Variants in LEKR1 observed in about 807,000 individuals in gnomAD.
The protein encoded by LEKR1 is leucine, glutamate and lysine rich 1, also known as protein LEKR1.
A neutral mutation model predicts 72.4 loss-of-function variants in LEKR1; 59 were observed. That is an observed-to-expected ratio of 0.82 (90% CI 0.66 to 1.01). The LOEUF (loss-of-function observed/expected upper bound fraction) is 1.01, where lower values mean the gene tolerates loss of function less well. LEKR1 is among the 50% of genes least tolerant of loss of function. The probability of loss-of-function intolerance (pLI) is 0.00; values close to 1 mark genes in which losing one functional copy is unlikely to be tolerated. For synonymous variants in LEKR1, 257 were observed against 263.2 expected (o/e 0.98, Z 0.23); for missense variants, 728 against 759.2 (o/e 0.96, Z 0.48).
chr3:157,002,158 C>T (rs1024727946), intron 9 of LEKR1, among the ~76,000 whole-genome samples: 2 of 152,086 alleles, frequency 1.3e-5, no homozygotes, highest in African/African-American at 2.4e-5. Flanking sequence ...AATTCTAAAA[C>T]ATCAACATCT....
At chr3:156,879,110 T>C (rs994669351) in intron 3 of LEKR1, among the ~76,000 whole-genome samples, 5 of 152,146 alleles carry the variant, frequency 3.3e-5, no homozygotes, top group Admixed American at 2.6e-4. Flanking sequence ...ACTTTGGAAC[T>C]GGGTAACAGG....
At chr3:157,015,327 G>C (rs1733223686) in intron 10 of LEKR1, among the ~76,000 whole-genome samples, 1 of 152,174 alleles carries the variant, frequency 6.6e-6, no homozygotes, top group Non-Finnish European at 1.5e-5. Flanking sequence ...ATGTGTACAT[G>C]TGGGAAAATG....
chr3:156,880,932 C>T (rs1279020879), intron 3 of LEKR1, among the ~76,000 whole-genome samples: 2 of 152,164 alleles, frequency 1.3e-5, no homozygotes, highest in Admixed American at 6.5e-5. Flanking sequence ...CAGAAAAGGC[C>T]TTCGACAAAA....
chr3:156,987,169 T>C (rs144905032), intron 7 of LEKR1, among the ~76,000 whole-genome samples: 13 of 152,212 alleles, frequency 8.5e-5, no homozygotes, highest in Non-Finnish European at 1.6e-4. Flanking sequence ...TTGCTAAGAG[T>C]AAAAGAAGGA....
At position 157,045,581 on chromosome 3, in the gene LEKR1, G is replaced by C. The variant is rs151042112; in HGVS notation, c.1910G>C (p.Arg637Pro). The change falls in exon 13 of 13, where the codon CGC (arginine) becomes CCC (proline). Residue 637 changes from arginine to proline, a missense_variant. Physicochemically the swap from Arg to Pro is moderately radical, Grantham distance 103. Coordinates refer to ENST00000356539, the MANE Select transcript of LEKR1 (RefSeq NM_001004316.3). ...SEKGIQIPNL[R>P]GVSKPTTFPT... ...AAAGGAATCCAAATTCCCAACCTGCGCGGGGTGTCAAAACCCACCACTTTC... is the reference window on the plus strand; with the variant it reads ...AAAGGAATCCAAATTCCCAACCTGCCCGGGGTGTCAAAACCCACCACTTTC... 1.7e-5 allele frequency: 27 copies of C among 1,613,980 alleles called. No individual in the cohort carries two copies. Among genetic ancestry groups the C allele is most frequent in the Non-Finnish European group, 2.3e-5 (27 of 1,180,040 alleles).
chr3:156,953,911 A>G, intron 6 of LEKR1, among the ~76,000 whole-genome samples: 1 of 151,910 alleles, frequency 6.6e-6, no homozygotes, highest in East Asian at 1.9e-4. Context: ...GTCAAATCGT[A>G]TTTTGGCCTC....
chr3:157,010,125 C>A (rs979674118), intron 9 of LEKR1, among the ~76,000 whole-genome samples: 1 of 151,854 alleles, frequency 6.6e-6, no homozygotes, highest in African/African-American at 2.4e-5. Context: ...AATTAGTCTA[C>A]CTTGAGGTTT....
At chr3:157,036,941 A>G (rs568035426) in intron 12 of LEKR1, among the ~76,000 whole-genome samples, 1 of 152,328 alleles carries the variant, frequency 6.6e-6, no homozygotes, top group Non-Finnish European at 1.5e-5. Context: ...ATAACTCTGG[A>G]TGGAAGCTAT....
chr3:156,977,252 CT>C (rs1391791341), intron 6 of LEKR1, among the ~76,000 whole-genome samples: 2 of 152,186 alleles, frequency 1.3e-5, no homozygotes, highest in African/African-American at 4.8e-5. Context: ...GGTCTGTCCC[CT>C]TTATGTAAAT....
At chr3:157,020,212 A>G (rs966734238) in intron 10 of LEKR1, among the ~76,000 whole-genome samples, 1 of 151,122 alleles carries the variant, frequency 6.6e-6, no homozygotes, top group Non-Finnish European at 1.5e-5. Context: ...TCTTCCCTGA[A>G]TATTTTATTT....
intron 10 of LEKR1, among the ~76,000 whole-genome samples, chr3:157,023,265 G>T (rs1268300928): frequency 6.6e-6 from 1 of 152,040 alleles, no homozygotes; most frequent in African/African-American, 2.4e-5. Context: ...TCCTTTTCCA[G>T]TCTCTCTAGA....
chr3:156,853,005 A>G (rs1715581666), intron 3 of LEKR1, 23 bp downstream of exon 3: 2 of 1,464,110 alleles, frequency 1.4e-6, no homozygotes, highest in Non-Finnish European at 1.8e-6. Context: ...TTTCTTTTCT[A>G]TCATTTATTT....
intron 10 of LEKR1, among the ~76,000 whole-genome samples, chr3:157,019,547 T>C (rs1352669583): frequency 6.6e-6 from 1 of 152,232 alleles, no homozygotes; most frequent in African/African-American, 2.4e-5. Flanking sequence ...TTACTTTGTG[T>C]AATTCTTAAG....
chr3:157,028,142 C>G lies in LEKR1; in HGVS notation c.1408C>G (p.Gln470Glu), dbSNP rs1280018784. The part of the protein sequence containing the change: ...LITGATRDLR[Q>E]EVTTLKEKLH... ...CACAGGCGCTACAAGAGATCTAAGG[C>G]AGGAAGTGACCACTCTTAAAGAAAA... The change falls in exon 12 of 13, where the codon CAG becomes GAG. Residue 470 changes from glutamine (Q) to glutamate (E), a missense_variant. Gln to Glu is a conservative substitution (Grantham distance 29). Coordinates refer to ENST00000356539, the MANE Select transcript of LEKR1 (RefSeq NM_001004316.3). 1 of 1,606,196 alleles carries G rather than the reference C, an allele frequency of 6.2e-7. No individual in the cohort carries two copies. The highest frequency in any genetic ancestry group is 2.2e-5 in the East Asian group (1 of 44,772).
chr3:156,927,421 C>A lies in LEKR1; in HGVS notation c.384-8C>A. ...TTTAAAATCCTATTTTTTTTTTTTA[C>A]TTTGCAGTCAAAGATTGTCAGAGTA... On this transcript the variant is annotated splice_polypyrimidine_tract_variant and splice_region_variant and intron_variant, in intron 4 of 12. Coordinates refer to ENST00000356539, the MANE Select transcript of LEKR1 (RefSeq NM_001004316.3). 7.4e-6 allele frequency: 7 copies of A among 950,210 alleles called. No individual in the cohort carries two copies. The highest frequency in any genetic ancestry group is 7.9e-6 in the Non-Finnish European group (6 of 763,770). 58.9% of individuals were successfully genotyped at this position (950,210 alleles called of 1,614,324 possible). A position where few individuals can be genotyped will look rare whatever the true frequency, so the allele number is the denominator to read the frequency against.
At chr3:156,873,254 TC>T (rs1282635632) in intron 3 of LEKR1, among the ~76,000 whole-genome samples, 2 of 152,204 alleles carry the variant, frequency 1.3e-5, no homozygotes, top group Admixed American at 1.3e-4. Flanking sequence ...ACTTTTGGTT[TC>T]CCTTTGCATG....
intron 7 of LEKR1, among the ~76,000 whole-genome samples, chr3:156,990,859 G>A (rs1182835101): frequency 6.6e-6 from 1 of 152,160 alleles, no homozygotes. Context: ...TCTATGAGTA[G>A]TCCTGGTTCC....
At chr3:156,934,425 C>T (rs1367294402) in intron 5 of LEKR1, among the ~76,000 whole-genome samples, 2 of 152,072 alleles carry the variant, frequency 1.3e-5, no homozygotes, top group Non-Finnish European at 2.9e-5. Context: ...TTCTTAGTAA[C>T]GCTTACATAT....
chr3:156,896,833 T>C (rs946012763), intron 3 of LEKR1, among the ~76,000 whole-genome samples: 2 of 152,146 alleles, frequency 1.3e-5, no homozygotes, highest in African/African-American at 4.8e-5. Flanking sequence ...AAAGAAAATG[T>C]AGTATATTAT....
Sources: allele counts gnomAD v4.1 joint callset (sites outside exome capture counted in the v4.1 genomes callset), GRCh38; gene constraint gnomAD v4.1.1; transcripts MANE v1.5; gene names NCBI Gene and HGNC (gene_info 2026-07-23, HGNC 2026-07-21).